The following MPDZ variants were observed in gnomAD, a reference collection of about 807,000 sequenced individuals.
MPDZ encodes multiple PDZ domain protein.
A neutral mutation model predicts 239.1 loss-of-function variants in MPDZ; 234 were observed. The ratio of observed to expected loss-of-function variants is 0.98; its 90% CI spans 0.88 to 1.09. The LOEUF is 1.09. Among genes scored for constraint, MPDZ ranks in the 50% least tolerant of loss-of-function variants. The pLI, the probability that MPDZ is intolerant of heterozygous loss-of-function variation, is 0.00. For synonymous variants in MPDZ, 1,048 were observed against 881.3 expected (o/e 1.19, Z -3.35); for missense variants, 3,175 against 2,510.0 (o/e 1.26, Z -5.66).
chr9:13,278,794 G>A (rs1974853581), intron 1 of MPDZ, among the ~76,000 whole-genome samples: 1 of 152,060 alleles, frequency 6.6e-6, no homozygotes, highest in South Asian at 2.1e-4. Flanking sequence ...CGCGGCTAAG[G>A]CGAGAACGCA....
intron 3 of MPDZ, among the ~76,000 whole-genome samples, chr9:13,234,291 A>G (rs183467795): frequency 1.3e-3 from 191 of 152,204 alleles, no homozygotes; most frequent in Admixed American, 2.4e-3. Flanking sequence ...TCATTTAACT[A>G]AATGTGCTAT....
chr9:13,128,217 G>A (rs1226902644), intron 32 of MPDZ, among the ~76,000 whole-genome samples: 3 of 152,166 alleles, frequency 2.0e-5, no homozygotes, highest in Non-Finnish European at 4.4e-5. Context: ...TAGACTTAGT[G>A]ACTTGATTCT....
At chr9:13,107,791 T>C (rs1941735612) in intron 46 of MPDZ, among the ~76,000 whole-genome samples, 1 of 152,164 alleles carries the variant, frequency 6.6e-6, no homozygotes, top group Non-Finnish European at 1.5e-5. Flanking sequence ...AAAGCACGCT[T>C]ATAGAAGACA....
intron 1 of MPDZ, among the ~76,000 whole-genome samples, chr9:13,253,498 A>G (rs1968643823): frequency 6.6e-6 from 1 of 152,184 alleles, no homozygotes; most frequent in African/African-American, 2.4e-5. Context: ...AATTTTTTAG[A>G]TAGAGTCCAT....
At chr9:13,152,877 T>C (rs943956042) in intron 24 of MPDZ, among the ~76,000 whole-genome samples, 7 of 152,114 alleles carry the variant, frequency 4.6e-5, no homozygotes, top group Non-Finnish European at 7.4e-5. Flanking sequence ...ATACATCTTG[T>C]GAAAAAGCAG....
At chr9:13,119,406 A>C in intron 39 of MPDZ, 96 bp downstream of exon 39, 1 of 1,417,510 alleles carries the variant, frequency 7.1e-7, no homozygotes, top group Non-Finnish European at 9.6e-7. Flanking sequence ...CTTTAAATAA[A>C]GAGAAGTCAT....
intron 19 of MPDZ, among the ~76,000 whole-genome samples, chr9:13,178,258 CA>C (rs368605859): frequency 2.4e-3 from 275 of 116,646 alleles, no homozygotes; most frequent in African/African-American, 5.8e-3. Flanking sequence ...GACTGCATCT[CA>C]AAAAAAAAAA....
intron 31 of MPDZ, 39 bp downstream of exon 31, chr9:13,136,053 T>C (rs1333091575): frequency 3.8e-6 from 5 of 1,331,324 alleles, no homozygotes; most frequent in African/African-American, 1.5e-5. Flanking sequence ...CTCACATCAA[T>C]CAAGTCTTCC....
chr9:13,194,481 G>A (rs544744326), intron 13 of MPDZ, among the ~76,000 whole-genome samples: 6 of 152,206 alleles, frequency 3.9e-5, no homozygotes, highest in Non-Finnish European at 8.8e-5. Flanking sequence ...TCACTCATAA[G>A]TGGGAGTTGA....
In MPDZ at chr9:13,122,117, T is replaced by A; in HGVS notation, c.5007A>T (p.Gly1669=). The change falls in exon 37 of 47, where the codon GGA becomes GGT. Residue 1669 remains glycine (G), a synonymous_variant. Coordinates refer to ENST00000319217, the MANE Select transcript of MPDZ (RefSeq NM_001378778.1). The part of the protein sequence containing the change: ...VYEEGAACKD[G]RLWAGDQILE... ...AGATCTGATCTCCAGCCCAGAGTCT[T>A]CCATCTTTACATGCTGCTCCTTCTT... 6.2e-7 allele frequency: 1 copy of A among 1,614,064 alleles called. No homozygotes were observed. Among genetic ancestry groups the A allele is most frequent in the Non-Finnish European group, 8.5e-7 (1 of 1,179,942 alleles).
chr9:13,235,309 G>C (rs1206911800), intron 3 of MPDZ, among the ~76,000 whole-genome samples: 1 of 152,110 alleles, frequency 6.6e-6, no homozygotes, highest in East Asian at 1.9e-4. Context: ...TAAGTTATAA[G>C]AAGGGAAAAC....
At chr9:13,273,453 A>T (rs542738707) in intron 1 of MPDZ, among the ~76,000 whole-genome samples, 12 of 152,312 alleles carry the variant, frequency 7.9e-5, no homozygotes, top group Non-Finnish European at 1.3e-4. Context: ...CCACCTGAGT[A>T]CACAATATAA....
Position 13,138,159 on chromosome 9 carries a change from TACA to T in MPDZ, c.4004-9_4004-7del, listed in dbSNP as rs761167445. The T allele has an allele frequency of 6.1e-5, 95 of 1,560,514 alleles. No individual in the cohort carries two copies. The highest frequency in any genetic ancestry group is 1.6e-4 in the South Asian group (13 of 81,300). ...ATAACGCTCTCTGATATTTTCTACA[TACA>T]ACAACAACAACAAATACATATTTAC... On this transcript the variant is annotated splice_region_variant and splice_polypyrimidine_tract_variant and intron_variant, in intron 28 of 46. Coordinates refer to ENST00000319217, the MANE Select transcript of MPDZ (RefSeq NM_001378778.1).
rs1436637752 is a variant in MPDZ, at chr9:13,126,763, C to T, written c.4474G>A (p.Gly1492Ser). The change falls in exon 33 of 47, where the codon GGT becomes AGT. Residue 1492 changes from glycine to serine, a missense_variant. By Grantham distance (56) the Gly-to-Ser change is moderately conservative. Coordinates refer to ENST00000319217, the MANE Select transcript of MPDZ (RefSeq NM_001378778.1). ...QHLELPKDQG[G>S]LGIAISEEDT... ...TCTTCGCTGATAGCAATACCCAAACCCCCCTGATCCTAGAAAAGTAAAAAC... is the reference window on the plus strand; with the variant it reads ...TCTTCGCTGATAGCAATACCCAAACTCCCCTGATCCTAGAAAAGTAAAAAC... 6.2e-7 allele frequency: 1 copy of T among 1,613,420 alleles called. No homozygotes were observed. Among genetic ancestry groups the T allele is most frequent in the South Asian group, 1.1e-5 (1 of 91,074 alleles).
rs1951365266 is a variant in MPDZ, at chr9:13,168,456, A to G, written c.3164T>C (p.Leu1055Ser). The G allele has an allele frequency of 6.2e-7, 1 of 1,613,550 alleles. No homozygotes were observed. The highest frequency in any genetic ancestry group is 8.5e-7 in the Non-Finnish European group (1 of 1,179,564). ...DGRIAIGDCI[L>S]SINEESTISV... ...GATGGTAGACTCTTCATTAATGGAC[A>G]AGATGCAGTCCCCAATGGCAATCCG... The change falls in exon 22 of 47, where the codon TTG (leucine) becomes TCG (serine). Residue 1055 changes from leucine to serine, a missense_variant. Leu to Ser is a moderately radical substitution (Grantham distance 145, BLOSUM62 -2). Coordinates refer to ENST00000319217, the MANE Select transcript of MPDZ (RefSeq NM_001378778.1).
At chr9:13,137,007 A>C (rs1421263560) in intron 29 of MPDZ, among the ~76,000 whole-genome samples, 1 of 152,176 alleles carries the variant, frequency 6.6e-6, no homozygotes, top group Non-Finnish European at 1.5e-5. Flanking sequence ...GCATTAAAAT[A>C]ATGCAAATGA....
At chr9:13,135,079 T>C (rs1188212646) in intron 31 of MPDZ, 1 of 152,218 alleles carries the variant, frequency 6.6e-6, no homozygotes, top group South Asian at 2.1e-4. Context: ...AATGTCCCAA[T>C]GTACATTTTT....
rs920534009 is a variant in MPDZ at position 13,279,666 on chromosome 9, C to G, written c.-324G>C. 2 of 150,388 alleles carry G rather than the reference C, an allele frequency of 1.3e-5. No homozygotes were observed. Among genetic ancestry groups the G allele is most frequent in the South Asian group, 2.1e-4 (1 of 4,834 alleles). 9.3% of individuals were successfully genotyped at this position (150,388 alleles called of 1,614,324 possible). On this transcript the variant is annotated 5_prime_UTR_variant, in exon 1 of 47. Transcript: ENST00000319217. ...CCGCACTTGCGCCGACCGGGGCTGC[C>G]GCGGAGGCGGTGGCGGGGCCCAGGC...
intron 22 of MPDZ, among the ~76,000 whole-genome samples, chr9:13,167,879 C>G (rs559058504): frequency 1.3e-5 from 2 of 152,246 alleles, no homozygotes. Flanking sequence ...GGTCTATCCC[C>G]TGGGGTCATG....
Sources: gnomAD v4.1 joint callset for allele counts (sites outside exome capture counted in the v4.1 genomes callset) on GRCh38, gnomAD v4.1.1 for gene constraint, MANE v1.5 for transcripts, NCBI Gene and HGNC (gene_info 2026-07-23, HGNC 2026-07-21) for gene names.